The following LRP2 variants were observed in gnomAD, a reference collection of about 807,000 sequenced individuals.
The protein encoded by LRP2 is low-density lipoprotein receptor-related protein 2.
Under a neutral mutation model 531.0 loss-of-function variants are expected in LRP2, and 172 were observed. That is an observed-to-expected ratio of 0.32 (90% CI 0.29 to 0.37). LRP2 has a LOEUF of 0.37. Ranked by LOEUF, LRP2 falls within the 10% of genes least tolerant of loss-of-function variation. LRP2 has a pLI of 1.00. For missense variants in LRP2, 5,167 were observed against 5,868.3 expected (o/e 0.88, Z 3.90); for synonymous variants, 1,992 against 2,027.6 (o/e 0.98, Z 0.47).
chr2:169,329,139 G>A (rs1225054241), intron 1 of LRP2, among the ~76,000 whole-genome samples: 1 of 152,194 alleles, frequency 6.6e-6, no homozygotes, highest in Admixed American at 6.5e-5. Context: ...CTACAGGCCG[G>A]TGTCATCAGA....
At chr2:169,328,979 TGAACAAATCTCACAGC>T (rs1210395252) in intron 1 of LRP2, among the ~76,000 whole-genome samples, 1 of 152,216 alleles carries the variant, frequency 6.6e-6, no homozygotes, top group African/African-American at 2.4e-5. Flanking sequence ...CGACAAGGCT[TGAACAAATCTCACAGC>T]TAGTAGGTAG....
At chr2:169,256,579 A>G (rs1429369726) in intron 18 of LRP2, among the ~76,000 whole-genome samples, 1 of 151,916 alleles carries the variant, frequency 6.6e-6, no homozygotes, top group African/African-American at 2.4e-5. Context: ...TTTTTCTCCC[A>G]TAAGTTACCT....
intron 72 of LRP2, among the ~76,000 whole-genome samples, chr2:169,140,017 G>A (rs150458336): frequency 3.2e-4 from 48 of 152,220 alleles, no homozygotes; most frequent in African/African-American, 1.1e-3. Flanking sequence ...TCTTCTTTCC[G>A]AATCCATCCC....
At chr2:169,356,439 G>C (rs774408951) in intron 1 of LRP2, among the ~76,000 whole-genome samples, 13 of 152,198 alleles carry the variant, frequency 8.5e-5, no homozygotes, top group African/African-American at 3.1e-4. Context: ...ATGATGAATG[G>C]AAATCTATAT....
At chr2:169,129,225 A>G in intron 77 of LRP2, 141 bp from the exon 78 acceptor site, 2 of 697,742 alleles carry the variant, frequency 2.9e-6, no homozygotes, top group Non-Finnish European at 5.2e-6. Context: ...TTCAGCCCAT[A>G]TGGTAAATTG....
At position 169,235,870 on chromosome 2, in the gene LRP2, G is replaced by T; in HGVS notation, c.4890C>A (p.His1630Gln). The change falls in exon 29 of 79, where the codon CAC becomes CAA. Residue 1630 changes from histidine (H) to glutamine (Q), a missense_variant. This residue lies in a region of LRP2 where 2,811 missense variants were observed against 3,058.0 expected (regional missense o/e 0.92). Transcript: ENST00000649046. ...DYMDFCDYNGHHRRQVIASDL... is the reference protein window; with the variant it reads ...DYMDFCDYNGQHRRQVIASDL... ...CACTGGCTATCACCTGTCTCCGATGGTGTCCATTATAATCACAAAAGTCCA... is the reference window on the plus strand; with the variant it reads ...CACTGGCTATCACCTGTCTCCGATGTTGTCCATTATAATCACAAAAGTCCA... 6.2e-7 allele frequency: 1 copy of T among 1,614,098 alleles called. No individual in the cohort carries two copies. The highest frequency in any genetic ancestry group is 2.2e-5 in the East Asian group (1 of 44,886).
intron 4 of LRP2, 75 bp from the exon 5 acceptor site, chr2:169,294,785 A>T: frequency 2.2e-6 from 2 of 914,316 alleles, no homozygotes; most frequent in South Asian, 2.9e-5. Context: ...TTCAGCAAAC[A>T]TTTATTGAGT....
chr2:169,274,925 A>C, intron 14 of LRP2, 111 bp downstream of exon 14: 1 of 1,052,038 alleles, frequency 9.5e-7, no homozygotes, highest in Non-Finnish European at 1.5e-6. Context: ...CATATACTTG[A>C]GAATGCCACC....
At chr2:169,327,167 C>T (rs1218406760) in intron 1 of LRP2, among the ~76,000 whole-genome samples, 6 of 138,200 alleles carry the variant, frequency 4.3e-5, no homozygotes, top group African/African-American at 1.0e-4. Flanking sequence ...CCAGCCGCCC[C>T]GTCCAGGAGG....
intron 11 of LRP2, 110 bp downstream of exon 11, chr2:169,280,239 GC>G (rs1683664753): frequency 8.8e-7 from 1 of 1,139,524 alleles, no homozygotes; most frequent in Admixed American, 2.0e-5. Context: ...TATCTCAAGG[GC>G]CTTTTTTGTT....
intron 52 of LRP2, 120 bp downstream of exon 52, chr2:169,181,328 G>T: frequency 3.1e-6 from 3 of 957,958 alleles, no homozygotes; most frequent in South Asian, 1.4e-5. Context: ...GACTTCCCCC[G>T]AATGACTTCC....
chr2:169,170,564 A>G lies in LRP2; in HGVS notation c.11367T>C (p.Asp3789=), dbSNP rs201966579. The G allele has an allele frequency of 1.2e-6, 2 of 1,613,830 alleles. No homozygotes were observed. The highest frequency in any genetic ancestry group is 1.1e-5 in the South Asian group (1 of 91,082). ...AATGACAGTTACCACAGTCCCGTTC[A>G]TCTGAGTTGTCCCCACAGTCGTTGT... The part of the protein sequence containing the change: ...DHYNDCGDNS[D]ERDCEMRTCH... The change falls in exon 59 of 79, where the codon GAT becomes GAC. Residue 3789 remains aspartate, a synonymous_variant. Coordinates refer to ENST00000649046, the MANE Select transcript of LRP2 (RefSeq NM_004525.3).
At position 169,206,865 on chromosome 2, in the gene LRP2, A is replaced by T. The variant is rs1330347941; in HGVS notation, c.6855T>A (p.Val2285=). The T allele has an allele frequency of 1.2e-6, 2 of 1,614,204 alleles. No homozygotes were observed. The highest frequency in any genetic ancestry group is 2.2e-5 in the South Asian group (2 of 91,092). The change falls in exon 39 of 79, where the codon GTT becomes GTA. Residue 2285 remains valine, a synonymous_variant. Coordinates refer to ENST00000649046, the MANE Select transcript of LRP2 (RefSeq NM_004525.3). The stretch of plus-strand genomic sequence containing the variant: ...CTACCCATATGATAGAATTTTCAAA[A>T]ACAGTGATGCCATAAGGAGTTGGGT... ...SRYPTPYGIT[V]FENSIIWVDR... is the part of the protein sequence containing the mutation.
At position 169,168,602 on chromosome 2, in the gene LRP2, A is replaced by G. The variant is rs778903892; in HGVS notation, c.11572T>C (p.Tyr3858His). Residue 3858 changes from tyrosine to histidine, a missense_variant, in exon 61 of 79, where the codon TAT becomes CAT. Tyr to His is a moderately conservative substitution (Grantham distance 83). Around this residue, in one of 6 missense-constraint regions of LRP2, gnomAD observed 564 missense variants for 747.7 expected, o/e 0.75. Transcript: ENST00000649046. ...TCATCATCGCCATCACATTTCCAATATGGCGGGATACAAACATGGTTTTTG... is the reference window on the plus strand; with the variant it reads ...TCATCATCGCCATCACATTTCCAATGTGGCGGGATACAAACATGGTTTTTG... ...ECKNHVCIPP[Y>H]WKCDGDDDCG... 1.2e-6 allele frequency: 2 copies of G among 1,614,112 alleles called. No homozygotes were observed. The highest frequency in any genetic ancestry group is 2.2e-5 in the East Asian group (1 of 44,874).
intron 74 of LRP2, 114 bp from the exon 75 acceptor site, chr2:169,138,820 A>G (rs1487552338): frequency 1.7e-6 from 2 of 1,183,546 alleles, no homozygotes; most frequent in Non-Finnish European, 2.5e-6. Flanking sequence ...ATCTTCCTCA[A>G]ATGTAATGCT....
intron 46 of LRP2, 38 bp downstream of exon 46, chr2:169,196,873 T>C (rs1474949714): frequency 6.2e-7 from 1 of 1,613,514 alleles, no homozygotes; most frequent in East Asian, 2.2e-5. Flanking sequence ...GTTGTCTAGC[T>C]GCATCGTGAT....
At chr2:169,189,630 A>C (rs1376229907) in intron 48 of LRP2, among the ~76,000 whole-genome samples, 1 of 152,120 alleles carries the variant, frequency 6.6e-6, no homozygotes, top group African/African-American at 2.4e-5. Context: ...CCAAGAAAAA[A>C]AGAAGGTCAA....
intron 1 of LRP2, among the ~76,000 whole-genome samples, chr2:169,330,926 C>T (rs1347412725): frequency 6.6e-6 from 1 of 152,152 alleles, no homozygotes; most frequent in East Asian, 1.9e-4. Flanking sequence ...CCACTCCTTC[C>T]CACCCATCAA....
At chr2:169,294,041 GA>G in intron 6 of LRP2, 106 bp downstream of exon 6, 1 of 794,460 alleles carries the variant, frequency 1.3e-6, no homozygotes, top group Non-Finnish European at 2.2e-6. Context: ...TCTTCTCCTT[GA>G]AAAAAGAGGT....
Sources: gnomAD v4.1 joint callset for allele counts (sites outside exome capture counted in the v4.1 genomes callset) on GRCh38, gnomAD v4.1.1 for gene constraint, gnomAD v4.1.1 regional missense constraint, MANE v1.5 for transcripts, NCBI Gene and HGNC (gene_info 2026-07-23, HGNC 2026-07-21) for gene names.